The following CPM variants were observed in gnomAD, a reference collection of about 807,000 sequenced individuals.
CPM encodes the protein renal carboxypeptidase.
Under a neutral mutation model 46.4 loss-of-function variants are expected in CPM, and 35 were observed. That is an observed-to-expected ratio of 0.75 (90% confidence interval 0.58 to 1.00). The LOEUF (loss-of-function observed/expected upper bound fraction) is 1.00, where lower values mean the gene tolerates loss of function less well. Ranked by LOEUF, CPM falls within the 50% of genes least tolerant of loss-of-function variation. CPM has a pLI of 0.00. For missense variants in CPM, 422 were observed against 530.4 expected, an observed-to-expected ratio of 0.80 and a Z score of 2.01; for synonymous variants, 195 against 195.3, an observed-to-expected ratio of 1.00 and a Z score of 0.01.
At chr12:68,882,124 G>A (rs960136300) in intron 3 of CPM, among the ~76,000 whole-genome samples, 1 of 150,614 alleles carries the variant, frequency 6.6e-6, no homozygotes, top group Admixed American at 6.7e-5. Flanking sequence ...GGGTACAAGT[G>A]CAGATTGGTT....
intron 1 of CPM, among the ~76,000 whole-genome samples, chr12:68,944,724 T>G (rs992368367): frequency 8.6e-5 from 13 of 151,792 alleles, no homozygotes; most frequent in African/African-American, 2.7e-4. Context: ...TTTGTTTTTT[T>G]TTTTTAAATT....
intron 1 of CPM, among the ~76,000 whole-genome samples, chr12:68,962,136 C>G (rs767493244): frequency 2.0e-5 from 3 of 148,982 alleles, no homozygotes; most frequent in African/African-American, 2.5e-5. Context: ...GGAGGCGGAG[C>G]TTGCAGTGAG....
chr12:68,924,357 G>A (rs1888167481), intron 2 of CPM, among the ~76,000 whole-genome samples: 1 of 151,798 alleles, frequency 6.6e-6, no homozygotes, highest in Admixed American at 6.6e-5. Context: ...CGCAATGGTG[G>A]GTGCCTGTAA....
intron 3 of CPM, among the ~76,000 whole-genome samples, chr12:68,881,717 A>T (rs1886197488): frequency 8.2e-6 from 1 of 121,948 alleles, no homozygotes; most frequent in African/African-American, 3.3e-5. Context: ...TTTTGTAATA[A>T]TTTTTTTTTC....
intron 1 of CPM, among the ~76,000 whole-genome samples, chr12:68,959,918 G>A (rs151122745): frequency 1.2e-4 from 18 of 152,250 alleles, no homozygotes; most frequent in East Asian, 9.6e-4. Context: ...AAGAAAAATC[G>A]GTTAGCTTCA....
rs944740794 is a variant in CPM, at chr12:68,955,505, G to A, written c.-4+7664C>T. On this transcript the variant is annotated intron_variant, in intron 1 of 8. Transcript: ENST00000546373. The stretch of plus-strand genomic sequence containing the variant: ...CAACATGGTGAGTGTGTGTGGGGGT[G>A]GGGGGGGCATGTTTCAGCCCTGTTT... Among the ~76,000 whole-genome samples the A allele has an allele frequency of 7.4e-5, 5 of 67,292 alleles. No individual in the cohort carries two copies. The South Asian group carries it at 3.3e-3, about 45-fold the overall frequency. 44.1% of individuals were successfully genotyped at this position (67,292 alleles called of 152,430 possible).
chr12:68,934,732 C>T (rs1888640466), upstream of CPM, among the ~76,000 whole-genome samples: 1 of 151,970 alleles, frequency 6.6e-6, no homozygotes, highest in Non-Finnish European at 1.5e-5. Context: ...GTGGCTGTGT[C>T]GACTCTGTGC....
rs188738601 is a variant in CPM, at chr12:68,962,108, G to C, written c.-4+1061C>G. On this transcript the variant is annotated intron_variant, in intron 1 of 8. Coordinates refer to the CPM transcript ENST00000546373. ...TCAGCTACTCAGGAGGCTGAGGCAG[G>C]AGAATGGCGTGAACCTGGGAGGCGG... Among the ~76,000 whole-genome samples the C allele has an allele frequency of 9.2e-3, 1,403 of 151,714 alleles. 44 individuals carry two copies. The highest frequency in any genetic ancestry group is 0.029 in the Admixed American group (445 of 15,252).
At chr12:68,899,261 AG>A (rs1476877803) in intron 2 of CPM, among the ~76,000 whole-genome samples, 1 of 152,258 alleles carries the variant, frequency 6.6e-6, no homozygotes, top group East Asian at 1.9e-4. Context: ...ACCAAGCATC[AG>A]GTAAATTACT....
At chr12:68,921,536 G>T (rs983073470) in intron 2 of CPM, among the ~76,000 whole-genome samples, 1 of 152,106 alleles carries the variant, frequency 6.6e-6, no homozygotes, top group Non-Finnish European at 1.5e-5. Flanking sequence ...GTGTTTTAGG[G>T]GGCTGAAGGC....
At chr12:68,893,308 G>A (rs79511241) in intron 2 of CPM, among the ~76,000 whole-genome samples, 1 of 152,220 alleles carries the variant, frequency 6.6e-6, no homozygotes, top group Non-Finnish European at 1.5e-5. Flanking sequence ...TTTCAGGTTT[G>A]GGCCAGTCCA....
At chr12:68,924,352 T>G in intron 2 of CPM, among the ~76,000 whole-genome samples, 1 of 151,540 alleles carries the variant, frequency 6.6e-6, no homozygotes, top group East Asian at 1.9e-4. Flanking sequence ...CCAGGCGCAA[T>G]GGTGGGTGCC....
chr12:68,856,725 C>T (rs746205582), intron 8 of CPM, 46 bp from the exon 9 acceptor site: 15 of 1,594,000 alleles, frequency 9.4e-6, no homozygotes, highest in African/African-American at 1.3e-5. Context: ...TAAGATGGTT[C>T]GTGGTGCCCA....
intron 3 of CPM, among the ~76,000 whole-genome samples, chr12:68,877,078 A>T (rs189721505): frequency 6.6e-6 from 1 of 152,290 alleles, no homozygotes. Flanking sequence ...TGACCTGCCT[A>T]GCTAATCCTT....
In CPM at chr12:68,856,320, G is replaced by A. The variant is rs1226143604; in HGVS notation, c.*117C>T. 8.9e-7 allele frequency: 1 copy of A among 1,126,216 alleles called. No individual in the cohort carries two copies. Among genetic ancestry groups the A allele is most frequent in the African/African-American group, 1.6e-5 (1 of 63,844 alleles). 69.8% of individuals were successfully genotyped at this position (1,126,216 alleles called of 1,614,324 possible). ...GGAAACATCCATTTCTCTTCTTCAG[G>A]AAGATCGTGGAGTTTCTCCAGTCAA... On this transcript the variant is annotated 3_prime_UTR_variant, in exon 9 of 9. Coordinates refer to ENST00000551568, the MANE Select transcript of CPM (RefSeq NM_198320.5).
intron 2 of CPM, among the ~76,000 whole-genome samples, chr12:68,895,702 A>G (rs956468842): frequency 2.0e-5 from 3 of 152,192 alleles, no homozygotes; most frequent in African/African-American, 7.2e-5. Context: ...GTTTTAGGCC[A>G]GACACAGTGG....
At chr12:68,949,605 T>G (rs904891424) in intron 1 of CPM, among the ~76,000 whole-genome samples, 1 of 152,190 alleles carries the variant, frequency 6.6e-6, no homozygotes, top group Non-Finnish European at 1.5e-5. Context: ...TTAAATGAGA[T>G]TGTTCACATA....
intron 1 of CPM, 32 bp from the exon 2 acceptor site, chr12:68,932,872 G>C (rs1888570793): frequency 6.2e-7 from 1 of 1,606,420 alleles, no homozygotes; most frequent in Non-Finnish European, 8.5e-7. Context: ...AAGAACCTGA[G>C]AACACATGAG....
At chr12:68,886,626 C>T (rs540202746) in intron 2 of CPM, among the ~76,000 whole-genome samples, 12 of 152,092 alleles carry the variant, frequency 7.9e-5, no homozygotes, top group East Asian at 7.7e-4. Context: ...AGCGAGACTC[C>T]GTCTCAAAAA....
Sources: allele counts gnomAD v4.1 joint callset (sites outside exome capture counted in the v4.1 genomes callset), GRCh38; gene constraint gnomAD v4.1.1; transcripts MANE v1.5; gene names NCBI Gene and HGNC (gene_info 2026-07-23, HGNC 2026-07-21).